ELMO1: variants seen among roughly 807,000 people sequenced by gnomAD.
ELMO1 encodes the protein engulfment and cell motility protein 1.
ELMO1 carries 26 observed loss-of-function variants against 98.9 expected under a neutral mutation model. That is an observed-to-expected ratio of 0.26 (90% confidence interval 0.19 to 0.36). ELMO1 has a LOEUF of 0.36. Among genes scored for constraint, ELMO1 ranks in the 10% least tolerant of loss-of-function variants. The pLI, the probability that ELMO1 is intolerant of heterozygous loss-of-function variation, is 1.00. For synonymous variants in ELMO1, 346 were observed against 346.0 expected, an observed-to-expected ratio of 1.00 and a Z score of 0.00; for missense variants, 627 against 935.2, an observed-to-expected ratio of 0.67 and a Z score of 4.30.
intron 1 of ELMO1, among the ~76,000 whole-genome samples, chr7:37,370,190 C>T (rs1020313947): frequency 2.6e-5 from 4 of 152,178 alleles, no homozygotes; most frequent in Admixed American, 1.3e-4. Context: ...GTTCACAATG[C>T]GGCTCTGCCC....
At chr7:37,257,931 C>G (rs542889112) in intron 6 of ELMO1, among the ~76,000 whole-genome samples, 9 of 151,328 alleles carry the variant, frequency 5.9e-5, no homozygotes, top group African/African-American at 2.2e-4. Context: ...GTTAGGAGTT[C>G]GAGACCAGCC....
intron 13 of ELMO1, among the ~76,000 whole-genome samples, chr7:37,173,586 G>A (rs767783298): frequency 2.6e-5 from 4 of 152,208 alleles, no homozygotes; most frequent in Non-Finnish European, 1.5e-5. Context: ...GCCTAAAGGG[G>A]TTTCAGCACA....
chr7:36,978,397 T>C (rs1790765363), intron 16 of ELMO1, among the ~76,000 whole-genome samples: 5 of 151,314 alleles, frequency 3.3e-5, no homozygotes, highest in Admixed American at 3.3e-4. Context: ...TCACCCCTTC[T>C]CCTCTCTTGA....
intron 14 of ELMO1, among the ~76,000 whole-genome samples, chr7:37,108,844 G>A (rs554961620): frequency 6.6e-6 from 1 of 152,144 alleles, no homozygotes; most frequent in African/African-American, 2.4e-5. Flanking sequence ...CCCACAGAAG[G>A]TTCAGTCACC....
intron 8 of ELMO1, among the ~76,000 whole-genome samples, 200 bp from the exon 9 acceptor site, chr7:37,225,230 T>A (rs780713831): frequency 6.6e-6 from 1 of 152,182 alleles, no homozygotes; most frequent in African/African-American, 2.4e-5. Context: ...ATTTATCTCA[T>A]CTCTATAATT....
chr7:37,250,811 A>C (rs2723966), intron 6 of ELMO1, among the ~76,000 whole-genome samples: 6 of 151,374 alleles, frequency 4.0e-5, no homozygotes, highest in East Asian at 3.9e-4. Flanking sequence ...AAAAAAAAAA[A>C]CCAGAAACTT....
At chr7:36,898,816 C>T (rs1806251822) in intron 16 of ELMO1, among the ~76,000 whole-genome samples, 1 of 152,206 alleles carries the variant, frequency 6.6e-6, no homozygotes, top group Non-Finnish European at 1.5e-5. Context: ...CACTGGAGGC[C>T]CTGTGCCGGA....
chr7:37,419,507 A>G (rs1804379026), intron 1 of ELMO1: 1 of 152,240 alleles, frequency 6.6e-6, no homozygotes, highest in Admixed American at 6.5e-5. Context: ...CACTTTGGAA[A>G]CAGTAAAATG....
At chr7:37,269,805 G>A (rs1796463175) in intron 5 of ELMO1, 1 of 152,040 alleles carries the variant, frequency 6.6e-6, no homozygotes, top group South Asian at 2.1e-4. Flanking sequence ...CACTGAGCTG[G>A]GAATGTGAGG....
rs878911211 is a variant in ELMO1, at chr7:37,222,696, G to A, written c.702-3C>T. 7 of 1,613,160 alleles carry A rather than the reference G, an allele frequency of 4.3e-6. No individual in the cohort carries two copies. The highest frequency in any genetic ancestry group is 5.9e-6 in the Non-Finnish European group (7 of 1,179,454). ...AGGTTTGGATTTCTTGATCTGACCT[G>A]TAAAGATAGAGAACAATTCAGAAAA... is the stretch of plus-strand genomic sequence containing the variant. On this transcript the variant is annotated splice_polypyrimidine_tract_variant and splice_region_variant and intron_variant, in intron 9 of 21. Coordinates refer to ENST00000310758, the MANE Select transcript of ELMO1 (RefSeq NM_014800.11).
intron 15 of ELMO1, among the ~76,000 whole-genome samples, chr7:37,091,699 A>C (rs1052892332): frequency 2.6e-5 from 4 of 152,158 alleles, no homozygotes; most frequent in Non-Finnish European, 4.4e-5. Context: ...GCTGCTAAAG[A>C]CATACCCAAG....
At chr7:37,058,509 AAGAG>A (rs1796506716) in intron 15 of ELMO1, among the ~76,000 whole-genome samples, 2 of 152,178 alleles carry the variant, frequency 1.3e-5, no homozygotes, top group South Asian at 4.1e-4. Flanking sequence ...GTGGGCAGAG[AAGAG>A]AGTGAGGAAA....
intron 13 of ELMO1, among the ~76,000 whole-genome samples, chr7:37,147,880 G>A (rs1037473211): frequency 1.3e-5 from 2 of 151,436 alleles, no homozygotes; most frequent in Admixed American, 6.6e-5. Context: ...AAAAAGAAAG[G>A]TGTGTGAGGT....
chr7:36,976,660 G>A (rs970730579), intron 16 of ELMO1, among the ~76,000 whole-genome samples: 1 of 152,206 alleles, frequency 6.6e-6, no homozygotes, highest in Non-Finnish European at 1.5e-5. Flanking sequence ...ATCATAGTAA[G>A]ACCTGATGGA....
intron 13 of ELMO1, among the ~76,000 whole-genome samples, chr7:37,167,167 C>CT (rs1243943225): frequency 6.6e-6 from 1 of 150,720 alleles, no homozygotes. Context: ...CAACCCCTGC[C>CT]TTTTTTTGTT....
chr7:37,018,460 C>T (rs1794077840), intron 15 of ELMO1, among the ~76,000 whole-genome samples: 1 of 151,774 alleles, frequency 6.6e-6, no homozygotes, highest in Non-Finnish European at 1.5e-5. Context: ...ATGGCATAGG[C>T]TTAGTAAATG....
chr7:36,891,238 G>A (rs1426523530), intron 17 of ELMO1, among the ~76,000 whole-genome samples: 1 of 152,298 alleles, frequency 6.6e-6, no homozygotes, highest in East Asian at 1.9e-4. Context: ...TAAGAAATAT[G>A]TCTGTTCTCT....
At chr7:37,100,371 G>T (rs973662658) in intron 14 of ELMO1, among the ~76,000 whole-genome samples, 1 of 152,170 alleles carries the variant, frequency 6.6e-6, no homozygotes, top group African/African-American at 2.4e-5. Context: ...TCCTCTGAAT[G>T]CTCTGTGTTT....
At chr7:37,307,360 C>T (rs1179270318) in intron 4 of ELMO1, among the ~76,000 whole-genome samples, 3 of 152,122 alleles carry the variant, frequency 2.0e-5, no homozygotes, top group African/African-American at 7.2e-5. Flanking sequence ...AAGGGGCTCT[C>T]CCCACTTCAC....
Sources: allele counts gnomAD v4.1 joint callset (sites outside exome capture counted in the v4.1 genomes callset), GRCh38; gene constraint gnomAD v4.1.1; transcripts MANE v1.5; gene names NCBI Gene and HGNC (gene_info 2026-07-23, HGNC 2026-07-21).